TRPM3: variants seen among roughly 807,000 people sequenced by gnomAD.
TRPM3 encodes long transient receptor potential channel 3.
TRPM3 carries 77 observed loss-of-function variants against 181.2 expected under a neutral mutation model. That is an observed-to-expected ratio of 0.42 (90% CI 0.35 to 0.51). The LOEUF is 0.51. TRPM3 is among the 20% of genes least tolerant of loss of function. The pLI is 0.01. For synonymous variants in TRPM3, 745 were observed against 796.4 expected (o/e 0.94, Z 1.09); for missense variants, 1,759 against 2,196.7 (o/e 0.80, Z 3.98).
At chr9:71,391,937 CAG>C (rs747540960) in intron 1 of TRPM3, among the ~76,000 whole-genome samples, 4 of 151,952 alleles carry the variant, frequency 2.6e-5, no homozygotes, top group African/African-American at 4.8e-5. Context: ...AGGCATAAAA[CAG>C]TATGATCAGA....
chr9:70,898,349 C>T (rs978905750), intron 1 of TRPM3, among the ~76,000 whole-genome samples: 3 of 151,488 alleles, frequency 2.0e-5, no homozygotes, highest in Non-Finnish European at 4.4e-5. Flanking sequence ...GTCTCGATCT[C>T]CTGACCTCGT....
At chr9:70,847,705 G>T (rs2095036667) in intron 3 of TRPM3, among the ~76,000 whole-genome samples, 1 of 152,028 alleles carries the variant, frequency 6.6e-6, no homozygotes, top group Non-Finnish European at 1.5e-5. Context: ...AAGAAAACTT[G>T]CCTACCTCAA....
intron 3 of TRPM3, 55 bp from the exon 4 acceptor site, chr9:70,846,646 GTTATC>G: frequency 6.9e-7 from 1 of 1,441,428 alleles, no homozygotes; most frequent in Non-Finnish European, 9.7e-7. Context: ...GCTGAGGCTG[GTTATC>G]TTTACTGATT....
intron 1 of TRPM3, among the ~76,000 whole-genome samples, chr9:71,117,748 A>G (rs2072736520): frequency 6.6e-6 from 1 of 152,142 alleles, no homozygotes; most frequent in Non-Finnish European, 1.5e-5. Flanking sequence ...TCAATATAAA[A>G]ATTTGAAAGT....
chr9:70,571,982 GC>G (rs754227202), intron 22 of TRPM3, among the ~76,000 whole-genome samples: 39,074 of 151,690 alleles, frequency 0.26, 5,604 homozygotes, highest in Middle Eastern at 0.34. Flanking sequence ...TTGACTGTTG[GC>G]ATTTGCATAC....
intron 8 of TRPM3, among the ~76,000 whole-genome samples, chr9:70,740,283 CAACAA>C (rs1454785269): frequency 6.6e-6 from 1 of 152,082 alleles, no homozygotes; most frequent in African/African-American, 2.4e-5. Context: ...AAGACTTCTA[CAACAA>C]AACTACAAAA....
chr9:70,930,794 T>C (rs2096768747), intron 1 of TRPM3, among the ~76,000 whole-genome samples: 1 of 152,154 alleles, frequency 6.6e-6, no homozygotes, highest in Non-Finnish European at 1.5e-5. Context: ...CTGTTTATTT[T>C]AAATGTCCAT....
chr9:70,628,409 C>T (rs749677296), intron 12 of TRPM3, among the ~76,000 whole-genome samples: 1 of 152,162 alleles, frequency 6.6e-6, no homozygotes, highest in Admixed American at 6.5e-5. Context: ...ACTCCATGGC[C>T]TTTATGGTCT....
chr9:70,999,926 C>T (rs2097581703), intron 1 of TRPM3, among the ~76,000 whole-genome samples: 1 of 152,134 alleles, frequency 6.6e-6, no homozygotes, highest in African/African-American at 2.4e-5. Flanking sequence ...CTGTCTTCAG[C>T]ATTCAGGCTG....
intron 22 of TRPM3, among the ~76,000 whole-genome samples, chr9:70,589,339 A>G: frequency 6.6e-6 from 1 of 152,236 alleles, no homozygotes. Flanking sequence ...AGGGACAGAC[A>G]GAATCCCATT....
At chr9:71,326,191 A>G (rs1035639246) in intron 1 of TRPM3, among the ~76,000 whole-genome samples, 2 of 152,218 alleles carry the variant, frequency 1.3e-5, no homozygotes, top group African/African-American at 4.8e-5. Context: ...TGACAGAATG[A>G]TGCTATCTTG....
At chr9:70,609,439 C>T (rs1208986041) in intron 19 of TRPM3, among the ~76,000 whole-genome samples, 1 of 152,090 alleles carries the variant, frequency 6.6e-6, no homozygotes, top group Non-Finnish European at 1.5e-5. Context: ...TCGATAATAT[C>T]CTATCTTTTC....
At chr9:71,442,604 T>A (rs1044743508) in intron 1 of TRPM3, among the ~76,000 whole-genome samples, 1 of 152,186 alleles carries the variant, frequency 6.6e-6, no homozygotes, top group Non-Finnish European at 1.5e-5. Context: ...AAGATAAATG[T>A]GTGGTTAAAT....
chr9:71,218,511 T>C (rs960809308), intron 1 of TRPM3, among the ~76,000 whole-genome samples: 4 of 152,346 alleles, frequency 2.6e-5, no homozygotes, highest in Non-Finnish European at 4.4e-5. Context: ...TTTTTCATTA[T>C]CTATGAAATT....
At chr9:71,189,472 G>A (rs2077877832) in intron 1 of TRPM3, among the ~76,000 whole-genome samples, 1 of 151,718 alleles carries the variant, frequency 6.6e-6, no homozygotes, top group Non-Finnish European at 1.5e-5. Context: ...TTCATTTATT[G>A]GATGTACAAA....
chr9:71,262,567 AAAAACAAAAAAC>A, intron 1 of TRPM3, among the ~76,000 whole-genome samples: 1 of 152,294 alleles, frequency 6.6e-6, no homozygotes, highest in South Asian at 2.1e-4. Flanking sequence ...GGGGTACCAA[AAAAACAAAAAAC>A]AAAACAAAAC....
chr9:71,379,277 G>T (rs1288973618), intron 1 of TRPM3, among the ~76,000 whole-genome samples: 1 of 152,008 alleles, frequency 6.6e-6, no homozygotes, highest in African/African-American at 2.4e-5. Context: ...ATGTTGAAGA[G>T]CATTACTTGG....
intron 1 of TRPM3, among the ~76,000 whole-genome samples, chr9:71,222,376 T>C (rs2080293899): frequency 6.6e-6 from 1 of 152,112 alleles, no homozygotes; most frequent in Non-Finnish European, 1.5e-5. Flanking sequence ...TGGTAGTTTG[T>C]TTTTTGGGAA....
chr9:70,767,608 T>C lies in TRPM3; in HGVS notation c.1149-5884A>G, dbSNP rs184147701. ...AGGGCCTCAACTGGAATAGCTGGAA[T>C]GGCTGATGAAGACTACAATAGCTCA... is the stretch of plus-strand genomic sequence containing the variant. On this transcript the variant is annotated intron_variant, in intron 7 of 25. Coordinates refer to ENST00000677713, the MANE Select transcript of TRPM3 (RefSeq NM_001366145.2). 2.6e-5 allele frequency among the ~76,000 whole-genome samples: 4 copies of C among 152,302 alleles called. No individual in the cohort carries two copies. In the East Asian group the frequency reaches 7.7e-4, roughly 29 times the overall value.
Sources: allele counts gnomAD v4.1 joint callset (sites outside exome capture counted in the v4.1 genomes callset), GRCh38; gene constraint gnomAD v4.1.1; transcripts MANE v1.5; gene names NCBI Gene and HGNC (gene_info 2026-07-23, HGNC 2026-07-21).